SLC4A4: variants seen among roughly 807,000 people sequenced by gnomAD.
SLC4A4 encodes solute carrier family 4 member 4.
SLC4A4 carries 27 observed loss-of-function variants against 111.5 expected under a neutral mutation model. That is an observed-to-expected ratio of 0.24 (90% confidence interval 0.18 to 0.33). The LOEUF (loss-of-function observed/expected upper bound fraction) is 0.33. Ranked by LOEUF, SLC4A4 falls within the 10% of genes least tolerant of loss-of-function variation. The pLI, the probability that SLC4A4 is intolerant of heterozygous loss-of-function variation, is 1.00. For synonymous variants in SLC4A4, 443 were observed against 463.4 expected, an observed-to-expected ratio of 0.96 and a Z score of 0.57; for missense variants, 909 against 1,315.5, an observed-to-expected ratio of 0.69 and a Z score of 4.78.
At chr4:71,331,619 A>G (rs1728001671) in intron 3 of SLC4A4, among the ~76,000 whole-genome samples, 1 of 151,604 alleles carries the variant, frequency 6.6e-6, no homozygotes, top group African/African-American at 2.4e-5. Context: ...ATTAGGAGAT[A>G]TACCTAATGT....
intron 2 of SLC4A4, among the ~76,000 whole-genome samples, chr4:71,246,549 C>T (rs1006682886): frequency 6.6e-6 from 1 of 152,126 alleles, no homozygotes; most frequent in African/African-American, 2.4e-5. Context: ...TGAATGACCC[C>T]TGGTAGTAAG....
At chr4:71,423,111 C>G (rs1722723843) in intron 7 of SLC4A4, among the ~76,000 whole-genome samples, 1 of 152,174 alleles carries the variant, frequency 6.6e-6, no homozygotes, top group African/African-American at 2.4e-5. Context: ...CCCAAAATCT[C>G]CTTAAGCTGA....
chr4:71,117,195 G>A (rs78668528), intron 2 of SLC4A4, among the ~76,000 whole-genome samples: 1,911 of 152,028 alleles, frequency 0.013, 46 homozygotes, highest in African/African-American at 0.043. Context: ...TTGTGCAGGC[G>A]GATCTCGAAA....
chr4:71,292,490 TTA>T (rs1724433173), intron 3 of SLC4A4, among the ~76,000 whole-genome samples: 1 of 152,180 alleles, frequency 6.6e-6, no homozygotes, highest in African/African-American at 2.4e-5. Flanking sequence ...GCAATAAAAC[TTA>T]AATTGCTTAT....
At chr4:71,448,934 A>T (rs754102702) in intron 9 of SLC4A4, among the ~76,000 whole-genome samples, 3 of 152,180 alleles carry the variant, frequency 2.0e-5, no homozygotes, top group Non-Finnish European at 4.4e-5. Flanking sequence ...CATTTATTTT[A>T]TTCATCTCAG....
In SLC4A4 at chr4:71,337,698, C is replaced by G. The variant is rs529147544; in HGVS notation, c.254-1672C>G. ...AAATTTTCATGTCCTTCAAGCATTT[C>G]CCTTTAGAGAGATGTTTCCATTTAG... On this transcript the variant is annotated intron_variant, in intron 3 of 25. Transcript: ENST00000264485. Among the ~76,000 whole-genome samples the G allele has an allele frequency of 2.8e-3, 426 of 152,176 alleles. 2 individuals are homozygous for G. Among genetic ancestry groups the G allele is most frequent in the African/African-American group, 9.9e-3 (409 of 41,504 alleles).
At chr4:71,555,853 AGTGAGACCCT>A (rs1313921341) in intron 21 of SLC4A4, among the ~76,000 whole-genome samples, 1 of 151,926 alleles carries the variant, frequency 6.6e-6, no homozygotes, top group Non-Finnish European at 1.5e-5. Context: ...TCAACAACAT[AGTGAGACCCT>A]GTCTCTTTAA....
intron 15 of SLC4A4, among the ~76,000 whole-genome samples, chr4:71,491,211 C>A (rs10938141): frequency 0.57 from 87,024 of 151,564 alleles, 27,582 homozygotes; most frequent in Non-Finnish European, 0.73. Flanking sequence ...CAGATTACTG[C>A]AAATCTGGCT....
At chr4:71,135,630 A>T (rs948151745) in intron 2 of SLC4A4, among the ~76,000 whole-genome samples, 7 of 152,100 alleles carry the variant, frequency 4.6e-5, no homozygotes, top group African/African-American at 1.7e-4. Context: ...TCAAGAATAC[A>T]ATACATTGTT....
At chr4:71,243,124 A>G (rs917447561) in intron 2 of SLC4A4, among the ~76,000 whole-genome samples, 1 of 152,216 alleles carries the variant, frequency 6.6e-6, no homozygotes, top group Non-Finnish European at 1.5e-5. Context: ...CCATTGTATA[A>G]TAAAGCCTGC....
At chr4:71,088,542 C>G (rs1241297206) in intron 1 of SLC4A4, among the ~76,000 whole-genome samples, 2 of 151,980 alleles carry the variant, frequency 1.3e-5, no homozygotes, top group African/African-American at 4.8e-5. Context: ...GTGGCTGGTA[C>G]CAGTTGTTCC....
rs577347559 is a variant in SLC4A4 at position 71,500,283 on chromosome 4, T to C, written c.2166+2591T>C. Among the ~76,000 whole-genome samples the C allele has an allele frequency of 2.0e-5, 3 of 152,296 alleles. No homozygotes were observed. The East Asian group carries it at 5.8e-4, about 29-fold the overall frequency. ...ATTTATTAGGTGAATTGCTGTTCAG[T>C]TTTAGTTTGATGCAATCCTGTTTGT... On this transcript the variant is annotated intron_variant, in intron 16 of 25. Coordinates refer to ENST00000264485, the MANE Select transcript of SLC4A4 (RefSeq NM_001098484.3).
At chr4:71,407,252 T>G (rs1439960327) in intron 7 of SLC4A4, among the ~76,000 whole-genome samples, 1 of 152,128 alleles carries the variant, frequency 6.6e-6, no homozygotes, top group Non-Finnish European at 1.5e-5. Flanking sequence ...AATAAAAAAT[T>G]TTTAAGGGTC....
intron 3 of SLC4A4, among the ~76,000 whole-genome samples, chr4:71,256,231 T>TCTTTG (rs1721442793): frequency 6.6e-6 from 1 of 152,206 alleles, no homozygotes; most frequent in African/African-American, 2.4e-5. Flanking sequence ...ATTCTTCATG[T>TCTTTG]CTTTGCTACA....
intron 18 of SLC4A4, among the ~76,000 whole-genome samples, chr4:71,538,701 G>A (rs752705126): frequency 3.9e-5 from 6 of 152,100 alleles, no homozygotes; most frequent in South Asian, 2.1e-4. Context: ...TTTGGCTTCC[G>A]GTCAAGTGGC....
intron 3 of SLC4A4, among the ~76,000 whole-genome samples, chr4:71,333,024 T>C (rs530165450): frequency 8.7e-4 from 132 of 152,296 alleles, no homozygotes; most frequent in Non-Finnish European, 1.7e-3. Context: ...ATTGGTACCT[T>C]ATTTGGTTTG....
chr4:71,360,939 A>G (rs1244654944), intron 6 of SLC4A4, among the ~76,000 whole-genome samples: 2 of 152,166 alleles, frequency 1.3e-5, no homozygotes, highest in Non-Finnish European at 2.9e-5. Flanking sequence ...AAGGAAAAAA[A>G]GGGAAACAGG....
intron 3 of SLC4A4, among the ~76,000 whole-genome samples, chr4:71,317,627 C>T (rs1043051625): frequency 6.6e-6 from 1 of 151,932 alleles, no homozygotes; most frequent in African/African-American, 2.4e-5. Flanking sequence ...GAGTTCAAAC[C>T]AATGGCTAGA....
intron 2 of SLC4A4, among the ~76,000 whole-genome samples, chr4:71,121,615 C>G (rs1226591045): frequency 2.6e-5 from 4 of 152,160 alleles, no homozygotes; most frequent in African/African-American, 9.6e-5. Context: ...ATGCACCAAT[C>G]AGCACTCTGT....
Sources: gnomAD v4.1 joint callset for allele counts (sites outside exome capture counted in the v4.1 genomes callset) on GRCh38, gnomAD v4.1.1 for gene constraint, MANE v1.5 for transcripts, NCBI Gene and HGNC (gene_info 2026-07-23, HGNC 2026-07-21) for gene names.